Variants in POP1 observed in about 807,000 individuals in gnomAD.
POP1 encodes POP1 ribonuclease P/MRP subunit.
Under a neutral mutation model 102.2 loss-of-function variants are expected in POP1, and 75 were observed. The ratio of observed to expected loss-of-function variants is 0.73; its 90% CI spans 0.61 to 0.89. POP1 has a LOEUF of 0.89. POP1 is among the 40% of genes least tolerant of loss of function. The pLI is 0.00. For missense variants in POP1, 1,116 were observed against 1,267.4 expected, an observed-to-expected ratio of 0.88 and a Z score of 1.81; for synonymous variants, 436 against 464.1, an observed-to-expected ratio of 0.94 and a Z score of 0.78.
At chr8:98,156,517 G>T (rs1809652952) in intron 15 of POP1, 105 bp downstream of exon 15, 2 of 1,412,850 alleles carry the variant, frequency 1.4e-6, no homozygotes, top group Non-Finnish European at 1.9e-6. Context: ...AAATCCAAGT[G>T]AATTTATAGG....
intron 11 of POP1, among the ~76,000 whole-genome samples, chr8:98,141,563 T>G (rs1305630744): frequency 6.6e-6 from 1 of 151,888 alleles, no homozygotes; most frequent in African/African-American, 2.4e-5. Context: ...CTTCAGAATT[T>G]TTTTTTTTTT....
rs138089017 is a variant in POP1, at chr8:98,130,106, C to A, written c.615C>A (p.His205Gln). 6.2e-7 allele frequency: 1 copy of A among 1,614,206 alleles called. No individual in the cohort carries two copies. Among genetic ancestry groups the A allele is most frequent in the South Asian group, 1.1e-5 (1 of 91,084 alleles). ...AGAAGAACATTTGGTTAGAAACTCA[C>A]ATCTGGCACGCCAAGCGGTTTCATA... The part of the protein sequence containing the change: ...RQKKNIWLET[H>Q]IWHAKRFHMV... Residue 205 changes from histidine to glutamine, a missense_variant, in exon 5 of 16, where the codon CAC (histidine) becomes CAA (glutamine). Transcript: ENST00000401707.
In POP1 at chr8:98,148,899, T is replaced by C. The variant is rs34635625; in HGVS notation, c.1795T>C (p.Leu599=). The change falls in exon 13 of 16, where the codon TTG becomes CTG. Residue 599 remains leucine, a synonymous_variant. Coordinates refer to ENST00000401707, the MANE Select transcript of POP1 (RefSeq NM_001145860.2). ...GPHESKIPIL[L]IQQPGKVTGE... is the part of the protein sequence containing the mutation. ...CCATGAATCCAAGATACCTATACTTTTGATTCAGCAGCCAGGAAAAGTGAC... is the reference window on the plus strand; with the variant it reads ...CCATGAATCCAAGATACCTATACTTCTGATTCAGCAGCCAGGAAAAGTGAC... The C allele has an allele frequency of 9.9e-4, 1,595 of 1,613,962 alleles. 18 individuals carry two copies. In the African/African-American group the frequency reaches 0.019, roughly 19 times the overall value.
In POP1 at chr8:98,133,943, G is replaced by A. The variant is rs757383831; in HGVS notation, c.736-6G>A. The A allele has an allele frequency of 6.2e-7, 1 of 1,608,558 alleles. No individual in the cohort carries two copies. Among genetic ancestry groups the A allele is most frequent in the East Asian group, 2.2e-5 (1 of 44,828 alleles). On this transcript the variant is annotated splice_polypyrimidine_tract_variant and splice_region_variant and intron_variant, in intron 5 of 15. Transcript: ENST00000401707. ...AGTACTTAATTGTGTCTCCCGCTTT[G>A]TGCAGGATTTATCCTATTACTGTTG...
chr8:98,117,417 C>T (rs942329605), intron 1 of POP1, 27 bp downstream of exon 1: 1 of 372,120 alleles, frequency 2.7e-6, no homozygotes, highest in Non-Finnish European at 5.0e-6. Flanking sequence ...TGGTGCCTTC[C>T]AGGATGCGAG....
chr8:98,126,455 T>C (rs187792125), intron 2 of POP1, among the ~76,000 whole-genome samples: 5 of 152,242 alleles, frequency 3.3e-5, no homozygotes, highest in African/African-American at 2.4e-5. Flanking sequence ...AGCATTCCCA[T>C]GGGAAAAAAG....
At chr8:98,133,507 A>T (rs1192104153) in intron 5 of POP1, among the ~76,000 whole-genome samples, 1 of 152,186 alleles carries the variant, frequency 6.6e-6, no homozygotes, top group East Asian at 1.9e-4. Flanking sequence ...CAACCTGAGC[A>T]TAATTTTGCA....
In POP1 at chr8:98,130,149, T is replaced by C; in HGVS notation, c.658T>C (p.Tyr220His). The change falls in exon 5 of 16, where the codon TAC becomes CAC. Residue 220 changes from tyrosine to histidine, a missense_variant. By Grantham distance (83) the Tyr-to-His change is moderately conservative. Transcript: ENST00000401707. ...KRFHMVKKWG[Y>H]CLGERPTVKS... Reference sequence around the variant, plus strand: ...GTTTCATATGGTCAAGAAGTGGGGCTACTGCCTTGGGGAGAGGCCAACAGT... The same window carrying C: ...GTTTCATATGGTCAAGAAGTGGGGCCACTGCCTTGGGGAGAGGCCAACAGT... The C allele has an allele frequency of 6.2e-7, 1 of 1,614,164 alleles. No homozygotes were observed. Among genetic ancestry groups the C allele is most frequent in the Non-Finnish European group, 8.5e-7 (1 of 1,180,012 alleles).
At chr8:98,145,779 G>A (rs1319750230) in intron 11 of POP1, among the ~76,000 whole-genome samples, 4 of 151,904 alleles carry the variant, frequency 2.6e-5, no homozygotes, top group South Asian at 4.2e-4. Flanking sequence ...GGTGGCATGC[G>A]TCTGTAATCC....
Position 98,157,940 on chromosome 8 carries a change from A to C in POP1, c.2744A>C (p.Lys915Thr). The stretch of plus-strand genomic sequence containing the variant: ...AAGATCCTGAAACAGAAAGAGAAGA[A>C]GAAAAGGGAGAAGAGGCAGAAGCCA... ...RSKILKQKEK[K>T]KREKRQKPGR... Residue 915 changes from lysine (K) to threonine (T), a missense_variant, in exon 16 of 16, where the codon AAG becomes ACG. Lys to Thr is a moderately conservative substitution (Grantham distance 78). Transcript: ENST00000401707. The C allele has an allele frequency of 6.2e-7, 1 of 1,614,040 alleles. No homozygotes were observed. The highest frequency in any genetic ancestry group is 1.7e-5 in the Admixed American group (1 of 60,032).
At position 98,136,575 on chromosome 8, in the gene POP1, G is replaced by C; in HGVS notation, c.1105G>C (p.Glu369Gln). 6.2e-7 allele frequency: 1 copy of C among 1,613,790 alleles called. No homozygotes were observed. The highest frequency in any genetic ancestry group is 2.2e-5 in the East Asian group (1 of 44,862). Reference protein sequence around the residue: ...IADPLPTPSQEKSQTELPDEK... With the variant: ...IADPLPTPSQQKSQTELPDEK... ...TGACCCACTTCCAACACCATCCCAA[G>C]AAAAAAGCCAAACTGAATTGCCTGA... The change falls in exon 8 of 16, where the codon GAA becomes CAA. Residue 369 changes from glutamate (E) to glutamine (Q), a missense_variant. Coordinates refer to ENST00000401707, the MANE Select transcript of POP1 (RefSeq NM_001145860.2).
intron 7 of POP1, among the ~76,000 whole-genome samples, chr8:98,136,023 ATAAAT>A (rs1816527339): frequency 6.6e-6 from 1 of 152,072 alleles, no homozygotes; most frequent in African/African-American, 2.4e-5. Flanking sequence ...CTTTTTGATG[ATAAAT>A]TTAATTTAAG....
intron 14 of POP1, among the ~76,000 whole-genome samples, chr8:98,152,714 A>G (rs1306419511): frequency 6.6e-6 from 1 of 152,232 alleles, no homozygotes; most frequent in Non-Finnish European, 1.5e-5. Context: ...TTTGTTCAAA[A>G]TGTCACTTTG....
At chr8:98,133,197 A>G (rs1816432579) in intron 5 of POP1, among the ~76,000 whole-genome samples, 2 of 152,172 alleles carry the variant, frequency 1.3e-5, no homozygotes, top group African/African-American at 4.8e-5. Context: ...AGCACTGGCA[A>G]CAGAGTGAGA....
chr8:98,158,002 C>A lies in POP1; in HGVS notation c.2806C>A (p.Pro936Thr), dbSNP rs746896171. 5.6e-6 allele frequency: 9 copies of A among 1,612,594 alleles called. No homozygotes were observed. The highest frequency in any genetic ancestry group is 7.6e-6 in the Non-Finnish European group (9 of 1,180,032). The change falls in exon 16 of 16, where the codon CCC (proline) becomes ACC (threonine). Residue 936 changes from proline to threonine, a missense_variant. By Grantham distance (38) the Pro-to-Thr change is conservative. Coordinates refer to ENST00000401707, the MANE Select transcript of POP1 (RefSeq NM_001145860.2). ...ASSDGPAGEEPVAGQEALTLG... is the reference protein window; with the variant it reads ...ASSDGPAGEETVAGQEALTLG... ...TTCTGATGGCCCGGCGGGGGAAGAGCCCGTGGCTGGGCAGGAAGCTCTGAC... is the reference window on the plus strand; with the variant it reads ...TTCTGATGGCCCGGCGGGGGAAGAGACCGTGGCTGGGCAGGAAGCTCTGAC...
intron 1 of POP1, among the ~76,000 whole-genome samples, chr8:98,122,865 C>T (rs1218608525): frequency 2.6e-5 from 4 of 152,190 alleles, no homozygotes; most frequent in Non-Finnish European, 5.9e-5. Flanking sequence ...ACTGGTAAAT[C>T]AGTCGGGGTC....
Position 98,134,050 on chromosome 8 carries a change from A to G in POP1, c.823+14A>G. 1.3e-6 allele frequency: 2 copies of G among 1,554,132 alleles called. No individual in the cohort carries two copies. Among genetic ancestry groups the G allele is most frequent in the Non-Finnish European group, 1.8e-6 (2 of 1,125,318 alleles). On this transcript the variant is annotated intron_variant, in intron 6 of 15. Transcript: ENST00000401707. ...ACATAGACACAGGTAAACTTGTTTTAAAGCTGAGTTCTATTTTAGTCTATG... is the reference window on the plus strand; with the variant it reads ...ACATAGACACAGGTAAACTTGTTTTGAAGCTGAGTTCTATTTTAGTCTATG...
Position 98,134,644 on chromosome 8 carries a change from T to C in POP1, c.996T>C (p.His332=). ...GCAGGCAGCTGTGGATCTGGCTGCA[T>C]CCAACCCTTAAACAGGTATAATCCT... is the stretch of plus-strand genomic sequence containing the variant. ...SESRQLWIWL[H]PTLKQDILEE... is the part of the protein sequence containing the mutation. Residue 332 remains histidine (H), a synonymous_variant, in exon 7 of 16, where the codon CAT becomes CAC. Transcript: ENST00000401707. 6.2e-7 allele frequency: 1 copy of C among 1,612,962 alleles called. No homozygotes were observed.
chr8:98,121,931 C>T (rs563072282), intron 1 of POP1, among the ~76,000 whole-genome samples: 63 of 152,116 alleles, frequency 4.1e-4, no homozygotes, highest in African/African-American at 1.4e-3. Flanking sequence ...ATGATCCGCC[C>T]GCCTCAGCCT....
Sources: gnomAD v4.1 joint callset for allele counts (sites outside exome capture counted in the v4.1 genomes callset) on GRCh38, gnomAD v4.1.1 for gene constraint, MANE v1.5 for transcripts, NCBI Gene and HGNC (gene_info 2026-07-23, HGNC 2026-07-21) for gene names.